Variants in ZMAT4 observed in about 807,000 individuals in gnomAD.
ZMAT4 encodes zinc finger matrin-type protein 4.
Under a neutral mutation model 28.7 loss-of-function variants are expected in ZMAT4, and 17 were observed. The observed-to-expected ratio is 0.59, with a 90% confidence interval of 0.41 to 0.89. The LOEUF (loss-of-function observed/expected upper bound fraction) is 0.89, where lower values mean the gene tolerates loss of function less well. Among genes scored for constraint, ZMAT4 ranks in the 40% least tolerant of loss-of-function variants. The pLI is 0.00. For synonymous variants in ZMAT4, 117 were observed against 109.2 expected (o/e 1.07, Z -0.44); for missense variants, 240 against 283.8 (o/e 0.85, Z 1.11).
At chr8:40,629,765 C>T (rs920418413) in intron 5 of ZMAT4, among the ~76,000 whole-genome samples, 1 of 152,030 alleles carries the variant, frequency 6.6e-6, no homozygotes. Context: ...CATAGTATTC[C>T]ATGGTGTATA....
chr8:40,608,859 CAGTA>C (rs902703583), intron 5 of ZMAT4, among the ~76,000 whole-genome samples: 2 of 152,206 alleles, frequency 1.3e-5, no homozygotes, highest in Admixed American at 1.3e-4. Flanking sequence ...TCAGTTTCCC[CAGTA>C]AGGATGTGTG....
intron 5 of ZMAT4, among the ~76,000 whole-genome samples, chr8:40,671,263 C>A (rs1247058994): frequency 6.6e-6 from 1 of 152,084 alleles, no homozygotes; most frequent in Non-Finnish European, 1.5e-5. Flanking sequence ...TAGATTTTGG[C>A]AGTTTCTTCT....
intron 5 of ZMAT4, among the ~76,000 whole-genome samples, chr8:40,644,959 T>C (rs1484090779): frequency 1.3e-5 from 2 of 152,066 alleles, no homozygotes; most frequent in Non-Finnish European, 2.9e-5. Context: ...AACTATTAAA[T>C]CGCCAACAAC....
At chr8:40,847,149 A>G (rs1429995461) in intron 1 of ZMAT4, among the ~76,000 whole-genome samples, 1 of 151,472 alleles carries the variant, frequency 6.6e-6, no homozygotes, top group African/African-American at 2.4e-5. Context: ...GGTTGCAGTG[A>G]GTCAAGATTG....
At chr8:40,587,556 G>C (rs1179126122) in intron 5 of ZMAT4, among the ~76,000 whole-genome samples, 1 of 152,168 alleles carries the variant, frequency 6.6e-6, no homozygotes, top group East Asian at 1.9e-4. Context: ...AAATGGAGCA[G>C]TGATAATTTA....
intron 2 of ZMAT4, among the ~76,000 whole-genome samples, chr8:40,819,645 C>G (rs955897225): frequency 1.3e-5 from 2 of 152,082 alleles, no homozygotes. Context: ...GGATGCCTAA[C>G]CACTGATTTC....
intron 5 of ZMAT4, among the ~76,000 whole-genome samples, chr8:40,614,007 A>G (rs534465172): frequency 1.3e-5 from 2 of 152,344 alleles, no homozygotes; most frequent in South Asian, 4.1e-4. Context: ...GAGAGTCCAT[A>G]AGTGTCCCAC....
chr8:40,866,274 A>G (rs894695550), intron 1 of ZMAT4, among the ~76,000 whole-genome samples: 6 of 152,196 alleles, frequency 3.9e-5, no homozygotes, highest in African/African-American at 1.4e-4. Context: ...ACTTAGGGCT[A>G]TGGGCACAAG....
At chr8:40,607,273 C>T (rs1441766209) in intron 5 of ZMAT4, among the ~76,000 whole-genome samples, 16 of 151,498 alleles carry the variant, frequency 1.1e-4, no homozygotes, top group African/African-American at 3.6e-4. Context: ...TACAGGTGCC[C>T]GCCACCACCC....
chr8:40,601,494 AG>A (rs1224219329), intron 5 of ZMAT4, among the ~76,000 whole-genome samples: 9 of 82,212 alleles, frequency 1.1e-4, no homozygotes, highest in Non-Finnish European at 1.7e-4. Flanking sequence ...AGAAAGAAAG[AG>A]AGAAAGAAAG....
At chr8:40,853,881 G>A (rs183912021) in intron 1 of ZMAT4, among the ~76,000 whole-genome samples, 16 of 152,320 alleles carry the variant, frequency 1.1e-4, no homozygotes, top group Non-Finnish European at 2.1e-4. Flanking sequence ...GAATACCTGT[G>A]GCTGGGTAAT....
At chr8:40,741,806 G>A (rs1407711366) in intron 3 of ZMAT4, among the ~76,000 whole-genome samples, 1 of 151,786 alleles carries the variant, frequency 6.6e-6, no homozygotes, top group Non-Finnish European at 1.5e-5. Context: ...CGAAAAGTTG[G>A]AAACAACATA....
intron 6 of ZMAT4, among the ~76,000 whole-genome samples, chr8:40,549,754 A>T (rs560176911): frequency 6.6e-6 from 1 of 152,160 alleles, no homozygotes; most frequent in Non-Finnish European, 1.5e-5. Context: ...GGAAAAAAAA[A>T]CTAATTGAGT....
rs1291279204 is a variant in ZMAT4 at position 40,842,315 on chromosome 8, C to T, written c.-4-16635G>A. On this transcript the variant is annotated intron_variant, in intron 1 of 6. Transcript: ENST00000297737. Reference sequence around the variant, plus strand: ...GAAACAGGGCAGCGATTCAAGCCCACGTTTCCGGACTCCAAATCCGGGGGT... The same window carrying T: ...GAAACAGGGCAGCGATTCAAGCCCATGTTTCCGGACTCCAAATCCGGGGGT... Among the ~76,000 whole-genome samples the T allele has an allele frequency of 1.3e-5, 2 of 152,328 alleles. 1 individual carries two copies. Among genetic ancestry groups the T allele is most frequent in the South Asian group, 4.1e-4 (2 of 4,824 alleles).
intron 1 of ZMAT4, among the ~76,000 whole-genome samples, chr8:40,890,206 T>C (rs547731635): frequency 3.9e-5 from 6 of 152,328 alleles, no homozygotes; most frequent in African/African-American, 1.2e-4. Context: ...AAAAAGAGAA[T>C]GAATCCACAA....
At chr8:40,620,271 G>A in intron 5 of ZMAT4, among the ~76,000 whole-genome samples, 1 of 152,344 alleles carries the variant, frequency 6.6e-6, no homozygotes, top group East Asian at 1.9e-4. Flanking sequence ...AGAAATAAAA[G>A]TATGGGCATT....
chr8:40,579,974 C>T (rs1254395267), intron 6 of ZMAT4, among the ~76,000 whole-genome samples: 6 of 150,578 alleles, frequency 4.0e-5, no homozygotes, highest in Non-Finnish European at 8.9e-5. Context: ...TTTCCTCAGC[C>T]TGGCAGGGGG....
chr8:40,812,890 G>A (rs542722858), intron 2 of ZMAT4, among the ~76,000 whole-genome samples: 10 of 151,286 alleles, frequency 6.6e-5, no homozygotes, highest in African/African-American at 1.5e-4. Flanking sequence ...CCGAGATTGT[G>A]CCACTGCACT....
chr8:40,558,178 G>A (rs1039749932), intron 6 of ZMAT4, among the ~76,000 whole-genome samples: 1 of 152,162 alleles, frequency 6.6e-6, no homozygotes, highest in East Asian at 1.9e-4. Context: ...AAGGCAGGGA[G>A]GTAGGTTGAT....
Sources: allele counts gnomAD v4.1 joint callset (sites outside exome capture counted in the v4.1 genomes callset), GRCh38; gene constraint gnomAD v4.1.1; transcripts MANE v1.5; gene names NCBI Gene and HGNC (gene_info 2026-07-23, HGNC 2026-07-21).